The following FILIP1L variants were observed in gnomAD, a reference collection of about 807,000 sequenced individuals.
The protein encoded by FILIP1L is filamin A interacting protein 1 like.
In FILIP1L, 55 loss-of-function variants were observed where a neutral mutation model predicts 96.6. The observed-to-expected ratio is 0.57, with a 90% confidence interval of 0.46 to 0.71. The LOEUF is 0.71. Ranked by LOEUF, FILIP1L falls within the 30% of genes least tolerant of loss-of-function variation. The pLI is 0.00. For synonymous variants in FILIP1L, 467 were observed against 473.9 expected, an observed-to-expected ratio of 0.99 and a Z score of 0.19; for missense variants, 1,304 against 1,321.2, an observed-to-expected ratio of 0.99 and a Z score of 0.20.
rs114639964 is a variant in FILIP1L at position 99,940,593 on chromosome 3, T to C, written c.-10-9563A>G. 6.1e-3 allele frequency among the ~76,000 whole-genome samples: 937 copies of C among 152,360 alleles called. 6 individuals carry two copies. The highest frequency in any genetic ancestry group is 0.018 in the African/African-American group (742 of 41,580). On this transcript the variant is annotated intron_variant, in intron 1 of 5. Transcript: ENST00000477258. ...TCTTGCCTACATCTCTGTTGTTCTT[T>C]CCATTGTATCACTTCTTGTTCATAG...
intron 1 of FILIP1L, among the ~76,000 whole-genome samples, chr3:99,974,751 GT>G (rs1708921637): frequency 6.6e-6 from 1 of 152,034 alleles, no homozygotes; most frequent in Admixed American, 6.6e-5. Flanking sequence ...CATGTTTGGA[GT>G]GGAAAAAACC....
intron 4 of FILIP1L, among the ~76,000 whole-genome samples, chr3:99,854,236 A>T (rs1943845786): frequency 1.3e-5 from 2 of 152,120 alleles, no homozygotes; most frequent in Admixed American, 1.3e-4. Flanking sequence ...TGGATTTTAG[A>T]CAACACAGTA....
intron 1 of FILIP1L, among the ~76,000 whole-genome samples, chr3:100,054,525 ATGTT>A (rs1013720801): frequency 6.6e-6 from 1 of 151,700 alleles, no homozygotes; most frequent in African/African-American, 2.4e-5. Flanking sequence ...ATGTTATGTT[ATGTT>A]ATGTTATGTT....
chr3:100,034,831 TC>T (rs1359480844), intron 1 of FILIP1L, among the ~76,000 whole-genome samples: 1 of 152,194 alleles, frequency 6.6e-6, no homozygotes, highest in African/African-American at 2.4e-5. Flanking sequence ...TCCACTCTGA[TC>T]AGTAAACGGT....
At chr3:99,874,719 T>C (rs1055653941) in intron 4 of FILIP1L, among the ~76,000 whole-genome samples, 17 of 152,198 alleles carry the variant, frequency 1.1e-4, no homozygotes, top group African/African-American at 4.1e-4. Context: ...TTATTAGAAA[T>C]ATACAGATAT....
At chr3:99,891,284 C>G (rs1706074881) in intron 4 of FILIP1L, among the ~76,000 whole-genome samples, 1 of 152,106 alleles carries the variant, frequency 6.6e-6, no homozygotes, top group African/African-American at 2.4e-5. Context: ...GACAGTTTAG[C>G]TCTTTGAAAT....
chr3:99,847,741 T>C (rs1943432229), intron 5 of FILIP1L, among the ~76,000 whole-genome samples: 1 of 152,214 alleles, frequency 6.6e-6, no homozygotes, highest in Non-Finnish European at 1.5e-5. Context: ...CAAAGAGATG[T>C]AATTTTTATT....
chr3:99,983,422 A>ATATATATATATATATATATG (rs1559713456), intron 1 of FILIP1L, among the ~76,000 whole-genome samples: 5 of 86,926 alleles, frequency 5.8e-5, no homozygotes, highest in Admixed American at 2.6e-4. Context: ...ATATATATGT[A>ATATATATATATATATATATG]TGTATGTATG....
At chr3:99,932,866 G>A (rs569038836) in intron 1 of FILIP1L, among the ~76,000 whole-genome samples, 1 of 152,224 alleles carries the variant, frequency 6.6e-6, no homozygotes, top group African/African-American at 2.4e-5. Context: ...CTCCAGCCTG[G>A]GTGACAGAGT....
chr3:99,983,418 ATGTATGTATGTATGTATATATATGTATG>A (rs1709200812), intron 1 of FILIP1L, among the ~76,000 whole-genome samples: 5 of 82,066 alleles, frequency 6.1e-5, no homozygotes, highest in African/African-American at 2.6e-4. Flanking sequence ...ATATATATAT[ATGTATGTATGTATGTATATATATGTATG>A]TATATATATA....
Position 99,941,853 on chromosome 3 carries a change from A to G in FILIP1L, c.-10-10823T>C, listed in dbSNP as rs183694217. ...GGTGTTTTTCAGAAGAGAAAAGGGG[A>G]TGAATGAGATAAAACCTTGAAATTG... On this transcript the variant is annotated intron_variant, in intron 1 of 5. Coordinates refer to ENST00000477258, the MANE Select transcript of FILIP1L (RefSeq NM_001387850.1). Among the ~76,000 whole-genome samples the G allele has an allele frequency of 1.4e-3, 217 of 152,322 alleles. 1 individual carries two copies. The highest frequency in any genetic ancestry group is 4.9e-3 in the African/African-American group (205 of 41,576).
At chr3:99,976,164 G>A (rs548514173) in intron 1 of FILIP1L, among the ~76,000 whole-genome samples, 1 of 152,078 alleles carries the variant, frequency 6.6e-6, no homozygotes, top group African/African-American at 2.4e-5. Flanking sequence ...ATAAGCCACC[G>A]CACCTGGCCC....
chr3:100,049,452 T>C (rs944872638), intron 1 of FILIP1L, among the ~76,000 whole-genome samples: 1 of 152,216 alleles, frequency 6.6e-6, no homozygotes, highest in African/African-American at 2.4e-5. Flanking sequence ...GTCATATTTT[T>C]AAGAGGGAGT....
intron 1 of FILIP1L, among the ~76,000 whole-genome samples, chr3:100,093,615 G>GTA (rs1342331913): frequency 2.0e-5 from 3 of 152,114 alleles, no homozygotes; most frequent in Non-Finnish European, 4.4e-5. Flanking sequence ...GTCACAACCA[G>GTA]TATATTTACA....
At chr3:99,955,694 G>A (rs1266336539) in intron 1 of FILIP1L, among the ~76,000 whole-genome samples, 2 of 152,064 alleles carry the variant, frequency 1.3e-5, no homozygotes, top group Non-Finnish European at 2.9e-5. Flanking sequence ...GAGCATTGAT[G>A]ATGAAGATCC....
At chr3:99,980,516 T>G (rs925521808) in intron 1 of FILIP1L, among the ~76,000 whole-genome samples, 6 of 152,214 alleles carry the variant, frequency 3.9e-5, no homozygotes, top group African/African-American at 1.4e-4. Context: ...ATAAAAATGA[T>G]ACACACTTTT....
rs764486067 is a variant in FILIP1L at position 99,848,724 on chromosome 3, T to A, written c.2952A>T (p.Ala984=). Residue 984 remains alanine, a synonymous_variant, in exon 5 of 6, where the codon GCA becomes GCT. Transcript: ENST00000477258. The stretch of plus-strand genomic sequence containing the variant: ...GAGAACCACAAGACTCTGGGGTCTG[T>A]GCTCTGGCAAAGGTTGCCATGGTAA... ...SPITMATFAR[A]QTPESCGSLT... is the part of the protein sequence containing the mutation. The A allele has an allele frequency of 1.2e-6, 2 of 1,614,192 alleles. No individual in the cohort carries two copies. The highest frequency in any genetic ancestry group is 1.7e-6 in the Non-Finnish European group (2 of 1,180,022).
At chr3:99,996,384 C>G (rs1709681229) in intron 1 of FILIP1L, among the ~76,000 whole-genome samples, 2 of 152,210 alleles carry the variant, frequency 1.3e-5, no homozygotes, top group South Asian at 4.1e-4. Flanking sequence ...TTGGTCAAAG[C>G]CATTCAGCAA....
chr3:100,086,659 T>A (rs1468290277), intron 1 of FILIP1L, among the ~76,000 whole-genome samples: 1 of 152,192 alleles, frequency 6.6e-6, no homozygotes, highest in Non-Finnish European at 1.5e-5. Flanking sequence ...CTTTAAATTT[T>A]TGATAAAAAT....
Sources: allele counts gnomAD v4.1 joint callset (sites outside exome capture counted in the v4.1 genomes callset), GRCh38; gene constraint gnomAD v4.1.1; transcripts MANE v1.5; gene names NCBI Gene and HGNC (gene_info 2026-07-23, HGNC 2026-07-21).